LRRC4C: variants seen among roughly 807,000 people sequenced by gnomAD.
LRRC4C encodes the protein leucine-rich repeat-containing protein 4C.
A neutral mutation model predicts 33.6 loss-of-function variants in LRRC4C; 5 were observed. That is an observed-to-expected ratio of 0.15 (90% CI 0.08 to 0.31). The LOEUF is 0.31. LRRC4C is among the 10% of genes least tolerant of loss of function. LRRC4C has a pLI of 1.00. For missense variants in LRRC4C, 560 were observed against 796.7 expected (o/e 0.70, Z 3.58); for synonymous variants, 329 against 302.0 (o/e 1.09, Z -0.93).
At chr11:40,410,582 C>A (rs1183502545) in intron 3 of LRRC4C, among the ~76,000 whole-genome samples, 2 of 152,068 alleles carry the variant, frequency 1.3e-5, no homozygotes, top group African/African-American at 4.8e-5. Flanking sequence ...TATTTCCCTG[C>A]TTCTCTGCTG....
chr11:40,871,774 G>T (rs948074851), intron 2 of LRRC4C, among the ~76,000 whole-genome samples: 1 of 152,052 alleles, frequency 6.6e-6, no homozygotes, highest in East Asian at 1.9e-4. Context: ...TGAGTCACAC[G>T]CTGTACTTTT....
At chr11:40,237,913 A>G (rs1201410496) in intron 5 of LRRC4C, among the ~76,000 whole-genome samples, 1 of 152,178 alleles carries the variant, frequency 6.6e-6, no homozygotes, top group African/African-American at 2.4e-5. Context: ...CTGCAAAGTG[A>G]TCTGCAAACA....
intron 2 of LRRC4C, among the ~76,000 whole-genome samples, chr11:40,927,254 A>G (rs1032087116): frequency 6.6e-6 from 1 of 152,138 alleles, no homozygotes; most frequent in Admixed American, 6.6e-5. Context: ...CGCACCTACA[A>G]TCTCAGCTAC....
chr11:40,174,587 C>A (rs57876223), intron 5 of LRRC4C, among the ~76,000 whole-genome samples: 52 of 152,278 alleles, frequency 3.4e-4, no homozygotes, highest in African/African-American at 1.3e-3. Flanking sequence ...TGCATCGAAC[C>A]ATATTTCTGA....
chr11:40,451,433 C>T (rs546785462), intron 3 of LRRC4C, among the ~76,000 whole-genome samples: 14 of 119,720 alleles, frequency 1.2e-4, no homozygotes, highest in African/African-American at 3.7e-4. Context: ...TTGCCTGGGC[C>T]GGAGTGCAGT....
intron 1 of LRRC4C, among the ~76,000 whole-genome samples, chr11:41,194,539 T>C (rs1226240927): frequency 6.6e-6 from 1 of 152,134 alleles, no homozygotes; most frequent in Non-Finnish European, 1.5e-5. Flanking sequence ...TTTCCCTTGT[T>C]GGCTTCGAGG....
At position 41,452,648 on chromosome 11, in the gene LRRC4C, C is replaced by A. The variant is rs532477494; in HGVS notation, c.-496+6783G>T. 6.6e-5 allele frequency among the ~76,000 whole-genome samples: 10 copies of A among 152,082 alleles called. No homozygotes were observed. In the South Asian group the frequency reaches 1.9e-3, roughly 28 times the overall value. ...TCCCCAGTTTATGAAATTCTGAATT[C>A]GTTCTCTTTCTTTCTCTGGTCTCCT... On this transcript the variant is annotated intron_variant, in intron 1 of 6. Transcript: ENST00000528697.
chr11:40,732,056 A>G (rs937085140), intron 2 of LRRC4C, among the ~76,000 whole-genome samples: 2 of 120,522 alleles, frequency 1.7e-5, no homozygotes, highest in African/African-American at 3.3e-5. Context: ...TGCAAAAAAA[A>G]ACCAAAAAAA....
At chr11:40,514,582 T>A (rs990084993) in intron 3 of LRRC4C, among the ~76,000 whole-genome samples, 1 of 152,182 alleles carries the variant, frequency 6.6e-6, no homozygotes, top group Non-Finnish European at 1.5e-5. Context: ...TCAGAATTAT[T>A]GACACTCAAT....
At chr11:40,990,783 A>C (rs1853481167) in intron 1 of LRRC4C, among the ~76,000 whole-genome samples, 1 of 152,192 alleles carries the variant, frequency 6.6e-6, no homozygotes, top group African/African-American at 2.4e-5. Flanking sequence ...TGCCTTTTTT[A>C]CTGCCGCAAT....
intron 6 of LRRC4C, among the ~76,000 whole-genome samples, chr11:40,140,563 A>G (rs1193410095): frequency 6.6e-6 from 1 of 152,150 alleles, no homozygotes; most frequent in Non-Finnish European, 1.5e-5. Flanking sequence ...TGGCAAAGAG[A>G]AACACAAGAA....
At chr11:41,375,263 A>G (rs1952896353) in intron 1 of LRRC4C, among the ~76,000 whole-genome samples, 1 of 152,156 alleles carries the variant, frequency 6.6e-6, no homozygotes, top group Non-Finnish European at 1.5e-5. Flanking sequence ...ATAATCAAAT[A>G]GAAGAAAACA....
intron 2 of LRRC4C, among the ~76,000 whole-genome samples, chr11:40,803,974 A>G (rs1004013886): frequency 2.0e-5 from 3 of 152,214 alleles, no homozygotes; most frequent in African/African-American, 7.2e-5. Context: ...ATTATTGACT[A>G]TAGTCACTCT....
chr11:41,068,401 CA>C (rs939913516), intron 1 of LRRC4C, among the ~76,000 whole-genome samples: 29 of 146,750 alleles, frequency 2.0e-4, no homozygotes, highest in Admixed American at 6.8e-4. Context: ...CTCCCCCCAA[CA>C]AAAAAAAATA....
At chr11:41,275,659 T>C (rs1197707280) in intron 1 of LRRC4C, among the ~76,000 whole-genome samples, 2 of 152,198 alleles carry the variant, frequency 1.3e-5, no homozygotes, top group Non-Finnish European at 2.9e-5. Context: ...AGGGGAGACA[T>C]AATGTATTGT....
rs73469398 is a variant in LRRC4C at position 40,703,744 on chromosome 11, C to G, written c.-406-55466G>C. 1.1e-3 allele frequency among the ~76,000 whole-genome samples: 168 copies of G among 152,222 alleles called. 2 individuals carry two copies. Among genetic ancestry groups the G allele is most frequent in the African/African-American group, 3.9e-3 (162 of 41,546 alleles). On this transcript the variant is annotated intron_variant, in intron 2 of 6. Transcript: ENST00000528697. ...ACTTAGAATATTTGTTTCATTCAAG[C>G]CTGGAGATGAGCTGAGACTAAATTA... is the stretch of plus-strand genomic sequence containing the variant.
chr11:41,144,785 T>C (rs988086121), intron 1 of LRRC4C, among the ~76,000 whole-genome samples: 3 of 152,204 alleles, frequency 2.0e-5, no homozygotes, highest in Admixed American at 1.3e-4. Flanking sequence ...TCTAATTCTT[T>C]GCACTTAAAT....
intron 3 of LRRC4C, among the ~76,000 whole-genome samples, chr11:40,444,139 T>A (rs942867908): frequency 1.1e-4 from 17 of 152,230 alleles, no homozygotes; most frequent in African/African-American, 3.8e-4. Context: ...TTAGTTCATC[T>A]AGTCTTTCTG....
chr11:41,170,035 A>T (rs1292859331), intron 1 of LRRC4C, among the ~76,000 whole-genome samples: 1 of 152,148 alleles, frequency 6.6e-6, no homozygotes, highest in African/African-American at 2.4e-5. Context: ...GTGATGAAGG[A>T]TAAATATAAT....
Sources: allele counts gnomAD v4.1 joint callset (sites outside exome capture counted in the v4.1 genomes callset), GRCh38; gene constraint gnomAD v4.1.1; transcripts MANE v1.5; gene names NCBI Gene and HGNC (gene_info 2026-07-23, HGNC 2026-07-21).